CEP15: variants seen among roughly 807,000 people sequenced by gnomAD.
The protein encoded by CEP15 is centrosomal protein 15 kDa.
chr3:62,323,613 G>T, the CEP15 span, among the ~76,000 whole-genome samples: 1 of 152,130 alleles, frequency 6.6e-6, no homozygotes, highest in African/African-American at 2.4e-5. Context: ...ATTTAAGAAA[G>T]ATTCATTTGC....
At chr3:62,321,307 T>G in the CEP15 span, among the ~76,000 whole-genome samples, 1 of 152,240 alleles carries the variant, frequency 6.6e-6, no homozygotes, top group Non-Finnish European at 1.5e-5. This position sits in a 1 kb window ranked among gnomAD's most constrained non-coding sequence, Gnocchi z 4.1. Context: ...AGATGTTTAC[T>G]TGTAATTTTT....
chr3:62,334,631 T>A, the CEP15 span: 1 of 151,998 alleles, frequency 6.6e-6, no homozygotes, highest in Non-Finnish European at 1.5e-5. The surrounding 1 kb of genome is among the most constrained non-coding windows in gnomAD (Gnocchi z 4.9). Context: ...ATACAAAATG[T>A]CACAAAATAT....
the CEP15 span, chr3:62,324,134 T>G: frequency 6.6e-6 from 1 of 152,104 alleles, no homozygotes; most frequent in East Asian, 1.9e-4. Context: ...TCTATAATCT[T>G]TGGATTACAC....
At chr3:62,331,439 A>T in the CEP15 span, 1 of 1,497,204 alleles carries the variant, frequency 6.7e-7, no homozygotes. Flanking sequence ...GAGAGACCCT[A>T]TCTATCTATC....
chr3:62,330,760 A>G, the CEP15 span, among the ~76,000 whole-genome samples: 1 of 152,156 alleles, frequency 6.6e-6, no homozygotes, highest in Non-Finnish European at 1.5e-5. Context: ...TCTTGTCACT[A>G]AGTACTGAGG....
At chr3:62,336,058 G>T in the CEP15 span, 2 of 152,050 alleles carry the variant, frequency 1.3e-5, no homozygotes, top group African/African-American at 2.4e-5. This position sits in a 1 kb window ranked among gnomAD's most constrained non-coding sequence, Gnocchi z 4.4. Flanking sequence ...TATGCACAAG[G>T]TGTTTTAAAT....
the CEP15 span, chr3:62,331,467 TAAAC>T: frequency 8.0e-7 from 1 of 1,249,872 alleles, no homozygotes; most frequent in Non-Finnish European, 1.2e-6. Context: ...CACTACAAGT[TAAAC>T]AATGGTTATG....
chr3:62,332,286 C>G, the CEP15 span, among the ~76,000 whole-genome samples: 2 of 152,082 alleles, frequency 1.3e-5, no homozygotes, highest in East Asian at 1.9e-4. Context: ...GCAGGATGAC[C>G]TTTACTTTAT....
the CEP15 span, chr3:62,324,052 T>G: frequency 6.6e-6 from 1 of 152,072 alleles, no homozygotes; most frequent in Non-Finnish European, 1.5e-5. Flanking sequence ...TGGAAAGAAT[T>G]TTAGTGGCTC....
At chr3:62,327,494 T>G in the CEP15 span, among the ~76,000 whole-genome samples, 1 of 77,632 alleles carries the variant, frequency 1.3e-5, no homozygotes, top group Non-Finnish European at 2.5e-5. Flanking sequence ...ACATGAGAAG[T>G]TCTAGAGGCT....
chr3:62,335,880 A>G, the CEP15 span: 1 of 152,162 alleles, frequency 6.6e-6, no homozygotes, highest in Admixed American at 6.5e-5. Context: ...ATTAAACTGT[A>G]GAATGCTAAA....
the CEP15 span, among the ~76,000 whole-genome samples, chr3:62,327,862 G>T: frequency 1.3e-5 from 2 of 152,120 alleles, no homozygotes; most frequent in Non-Finnish European, 2.9e-5. Flanking sequence ...TCTGGGATTT[G>T]CAATGTTTCG....
At chr3:62,332,677 T>C in the CEP15 span, among the ~76,000 whole-genome samples, 6 of 152,152 alleles carry the variant, frequency 3.9e-5, no homozygotes, top group Non-Finnish European at 8.8e-5. Context: ...TATATTGACA[T>C]TTTGTCATCA....
chr3:62,329,393 A>G, the CEP15 span, among the ~76,000 whole-genome samples: 1 of 152,176 alleles, frequency 6.6e-6, no homozygotes, highest in Non-Finnish European at 1.5e-5. Context: ...TTAAAGCTAG[A>G]TAGACCACAG....
the CEP15 span, chr3:62,321,790 A>C: frequency 1.4e-5 from 8 of 580,794 alleles, no homozygotes; most frequent in South Asian, 2.7e-5. This position sits in a 1 kb window ranked among gnomAD's most constrained non-coding sequence, Gnocchi z 4.1. Context: ...CTGTCTTATT[A>C]GTCGACATAG....
the CEP15 span, among the ~76,000 whole-genome samples, chr3:62,332,475 G>A: frequency 6.6e-6 from 1 of 151,968 alleles, no homozygotes; most frequent in African/African-American, 2.4e-5. Context: ...TCTAATATCA[G>A]TTGCCCTCCT....
chr3:62,333,599 A>AGAT, the CEP15 span: 3 of 431,740 alleles, frequency 6.9e-6, no homozygotes, highest in South Asian at 9.9e-5. The surrounding 1 kb of genome is among the most constrained non-coding windows in gnomAD (Gnocchi z 4.0). Flanking sequence ...CCAAACCCAT[A>AGAT]GATGTGTTAA....
At chr3:62,320,587 T>C in the CEP15 span, 1 of 1,285,490 alleles carries the variant, frequency 7.8e-7, no homozygotes, top group Non-Finnish European at 1.1e-6. Context: ...AGTGAAATAT[T>C]GTATACACAG....
chr3:62,334,162 T>C, the CEP15 span: 1 of 151,560 alleles, frequency 6.6e-6, no homozygotes, highest in Non-Finnish European at 1.5e-5. This position sits in a 1 kb window ranked among gnomAD's most constrained non-coding sequence, Gnocchi z 4.9. Context: ...CTGAAAAAAC[T>C]GTCAGTCAGA....
Sources: allele counts gnomAD v4.1 joint callset (sites outside exome capture counted in the v4.1 genomes callset), GRCh38; gene constraint gnomAD v4.1.1; non-coding constraint Gnocchi (gnomAD v3.1); transcripts MANE v1.5; gene names NCBI Gene and HGNC (gene_info 2026-07-23, HGNC 2026-07-21).